Variants in AMOTL1 observed in about 807,000 individuals in gnomAD.
AMOTL1 encodes the protein angiomotin-like protein 1.
A neutral mutation model predicts 102.9 loss-of-function variants in AMOTL1; 45 were observed. That is an observed-to-expected ratio of 0.44 (90% CI 0.34 to 0.56). The LOEUF is 0.56. AMOTL1 is among the 20% of genes least tolerant of loss of function. The pLI is 0.01. For missense variants in AMOTL1, 1,114 were observed against 1,225.6 expected (o/e 0.91, Z 1.36); for synonymous variants, 481 against 484.7 (o/e 0.99, Z 0.10).
At chr11:94,851,005 A>G (rs1018321007) in intron 7 of AMOTL1, among the ~76,000 whole-genome samples, 4 of 152,238 alleles carry the variant, frequency 2.6e-5, no homozygotes, top group East Asian at 3.8e-4. Flanking sequence ...GATTTCAAAC[A>G]CAAGGATAAA....
chr11:94,839,031 A>C (rs1195356238), intron 6 of AMOTL1, among the ~76,000 whole-genome samples: 1 of 152,220 alleles, frequency 6.6e-6, no homozygotes, highest in Non-Finnish European at 1.5e-5. Context: ...TGGATATCAG[A>C]TTTGGAGAGT....
chr11:94,823,466 T>G (rs7115439), intron 4 of AMOTL1, among the ~76,000 whole-genome samples: 1 of 151,930 alleles, frequency 6.6e-6, no homozygotes, highest in African/African-American at 2.4e-5. Context: ...CTTGCCTCTG[T>G]CATTTTTGGG....
intron 4 of AMOTL1, 120 bp downstream of exon 4, chr11:94,821,941 A>G: frequency 1.5e-6 from 2 of 1,314,042 alleles, no homozygotes; most frequent in Non-Finnish European, 2.1e-6. Context: ...GGCCCTGTGC[A>G]AGGCTTTAGG....
intron 9 of AMOTL1, among the ~76,000 whole-genome samples, chr11:94,861,406 A>G (rs1301774596): frequency 2.0e-5 from 3 of 152,180 alleles, no homozygotes; most frequent in Non-Finnish European, 4.4e-5. Context: ...AGGTCATCAT[A>G]AAGTCACAGA....
At chr11:94,730,319 T>G (rs1160431393) in intron 2 of AMOTL1, among the ~76,000 whole-genome samples, 1 of 152,146 alleles carries the variant, frequency 6.6e-6, no homozygotes, top group African/African-American at 2.4e-5. Flanking sequence ...CTCACATGCC[T>G]GTGAACCTTT....
chr11:94,781,365 G>T (rs1951108944), intron 1 of AMOTL1, among the ~76,000 whole-genome samples: 1 of 152,094 alleles, frequency 6.6e-6, no homozygotes, highest in Non-Finnish European at 1.5e-5. Context: ...CTTTGCCTGG[G>T]CAGGGAGATA....
chr11:94,831,634 C>A (rs1565372252), intron 6 of AMOTL1, 93 bp downstream of exon 6: 3 of 1,136,244 alleles, frequency 2.6e-6, no homozygotes, highest in South Asian at 1.4e-5. Flanking sequence ...GGGTTTTGTG[C>A]TGTTTGCTTT....
intron 1 of AMOTL1, among the ~76,000 whole-genome samples, chr11:94,716,013 A>G (rs555655872): frequency 6.6e-6 from 1 of 152,020 alleles, no homozygotes; most frequent in South Asian, 2.1e-4. Context: ...CTTTGTTTTG[A>G]TCCTACAGAG....
At chr11:94,780,996 C>T (rs768150901) in intron 1 of AMOTL1, among the ~76,000 whole-genome samples, 2 of 152,142 alleles carry the variant, frequency 1.3e-5, no homozygotes, top group Non-Finnish European at 2.9e-5. Flanking sequence ...CAACATCATT[C>T]TCTTTCCCCT....
rs117782556 is a variant in AMOTL1 at position 94,731,562 on chromosome 11, C to T, written c.85+2507C>T. 5.9e-3 allele frequency among the ~76,000 whole-genome samples: 892 copies of T among 152,142 alleles called. 9 individuals carry two copies. The highest frequency in any genetic ancestry group is 5.8e-3 in the Non-Finnish European group (395 of 68,000). On this transcript the variant is annotated intron_variant, in intron 2 of 4. Transcript: ENST00000299004. ...GTGCCAGAGCTAAGTCAGAAATGGA[C>T]GAATTATAGAAAAATATTTTAACCA...
At chr11:94,773,931 GGC>G (rs1309824826) in intron 1 of AMOTL1, among the ~76,000 whole-genome samples, 2 of 152,196 alleles carry the variant, frequency 1.3e-5, no homozygotes, top group African/African-American at 4.8e-5. Context: ...GGTGTATCCT[GGC>G]CCTGCCGCCT....
In AMOTL1 at chr11:94,873,345, G is replaced by A. The variant is rs1205444602; in HGVS notation, c.*2550G>A. 6.6e-6 allele frequency: 1 copy of A among 152,116 alleles called. No individual in the cohort carries two copies. The highest frequency in any genetic ancestry group is 1.9e-4 in the East Asian group (1 of 5,190). 9.4% of individuals were successfully genotyped at this position (152,116 alleles called of 1,614,324 possible). Reference sequence around the variant, plus strand: ...AGCTTTAAAATGTCTTCTTCTATGGGAAATTTCCTGCCAAGCCAGGGCACT... The same window carrying A: ...AGCTTTAAAATGTCTTCTTCTATGGAAAATTTCCTGCCAAGCCAGGGCACT... On this transcript the variant is annotated 3_prime_UTR_variant, in exon 13 of 13. Coordinates refer to ENST00000433060, the MANE Select transcript of AMOTL1 (RefSeq NM_130847.3).
chr11:94,743,149 C>A (rs987445353), intron 3 of AMOTL1, among the ~76,000 whole-genome samples: 1 of 152,160 alleles, frequency 6.6e-6, no homozygotes, highest in Admixed American at 6.5e-5. Context: ...TAGCTTTCAC[C>A]CTGCTCCAGC....
rs373610108 is a variant in AMOTL1, at chr11:94,795,113, C to T, written c.152C>T (p.Thr51Ile). 6.8e-6 allele frequency: 11 copies of T among 1,613,952 alleles called. No homozygotes were observed. The East Asian group carries it at 2.0e-4, about 29-fold the overall frequency. ...DFQLYSGRHE[T>I]SALTVEATSS... ...CAGCTCTATTCTGGGAGGCATGAAA[C>T]ATCTGCTTTGACGGTGGAGGCAACC... is the stretch of plus-strand genomic sequence containing the variant. Residue 51 changes from threonine to isoleucine, a missense_variant, in exon 2 of 13, where the codon ACA (threonine) becomes ATA (isoleucine). By Grantham distance (89) the Thr-to-Ile change is moderately conservative. Coordinates refer to ENST00000433060, the MANE Select transcript of AMOTL1 (RefSeq NM_130847.3).
Position 94,821,666 on chromosome 11 carries a change from C to A in AMOTL1, c.1258C>A (p.Pro420Thr), listed in dbSNP as rs779467325. Residue 420 changes from proline to threonine, a missense_variant, in exon 4 of 13, where the codon CCC becomes ACC. Physicochemically the swap from Pro to Thr is conservative, Grantham distance 38. Coordinates refer to ENST00000433060, the MANE Select transcript of AMOTL1 (RefSeq NM_130847.3). ...CCCGATGGCCCTGGGTGCTCCACAGCCCCCGCCTGCCGCCTCCCCCAGCCA... is the reference window on the plus strand; with the variant it reads ...CCCGATGGCCCTGGGTGCTCCACAGACCCCGCCTGCCGCCTCCCCCAGCCA... ...PLPMALGAPQPPPAASPSQQL... is the reference protein window; with the variant it reads ...PLPMALGAPQTPPAASPSQQL... 4.3e-6 allele frequency: 7 copies of A among 1,613,798 alleles called. No homozygotes were observed. In the Admixed American group the frequency reaches 1.2e-4, roughly 27 times the overall value.
intron 3 of AMOTL1, among the ~76,000 whole-genome samples, chr11:94,745,384 C>T (rs1395174879): frequency 6.6e-6 from 1 of 151,900 alleles, no homozygotes; most frequent in South Asian, 2.1e-4. Flanking sequence ...TAAGGACTTT[C>T]AGCCACCAGT....
At chr11:94,715,603 T>C (rs903141737) in intron 1 of AMOTL1, among the ~76,000 whole-genome samples, 2 of 152,162 alleles carry the variant, frequency 1.3e-5, no homozygotes, top group Non-Finnish European at 2.9e-5. Flanking sequence ...CCCTTCATTC[T>C]TGAAGGATAG....
intron 7 of AMOTL1, among the ~76,000 whole-genome samples, chr11:94,851,160 C>T (rs1252286675): frequency 2.6e-5 from 4 of 152,086 alleles, no homozygotes; most frequent in Non-Finnish European, 5.9e-5. Context: ...CACTAAGGAA[C>T]GTATTAAATA....
rs1953074241 is a variant in AMOTL1, at chr11:94,875,175, G to T, written c.*4380G>T. 6.6e-6 allele frequency: 1 copy of T among 152,196 alleles called. No homozygotes were observed. Among genetic ancestry groups the T allele is most frequent in the Non-Finnish European group, 1.5e-5 (1 of 68,030 alleles). The allele number at this position is 152,196 out of a possible 1,614,324, so 9.4% of individuals were successfully genotyped here. A position where few individuals can be genotyped will look rare whatever the true frequency, so the allele number is the denominator to read the frequency against. ...AATGTCTTCATTAGATGTGACGATTGTTTAATGAGTTTGCCTCTGACGTGT... is the reference window on the plus strand; with the variant it reads ...AATGTCTTCATTAGATGTGACGATTTTTTAATGAGTTTGCCTCTGACGTGT... On this transcript the variant is annotated 3_prime_UTR_variant, in exon 13 of 13. Coordinates refer to ENST00000433060, the MANE Select transcript of AMOTL1 (RefSeq NM_130847.3).
Sources: allele counts gnomAD v4.1 joint callset (sites outside exome capture counted in the v4.1 genomes callset), GRCh38; gene constraint gnomAD v4.1.1; transcripts MANE v1.5; gene names NCBI Gene and HGNC (gene_info 2026-07-23, HGNC 2026-07-21).